Variants in ATG10 observed in about 807,000 individuals in gnomAD.
The protein encoded by ATG10 is ubiquitin-like-conjugating enzyme ATG10.
ATG10 carries 30 observed loss-of-function variants against 32.1 expected under a neutral mutation model. The observed-to-expected ratio is 0.94, with a 90% CI of 0.70 to 1.27. The LOEUF is 1.27. Among genes scored for constraint, ATG10 ranks in the 50% most tolerant of loss-of-function variants. The pLI is 0.00. For synonymous variants in ATG10, 87 were observed against 91.5 expected, an observed-to-expected ratio of 0.95 and a Z score of 0.28; for missense variants, 233 against 262.3, an observed-to-expected ratio of 0.89 and a Z score of 0.77.
At chr5:82,218,052 T>TACACACACACAC (rs60254193) in intron 5 of ATG10, among the ~76,000 whole-genome samples, 3,691 of 145,220 alleles carry the variant, frequency 0.025, 47 homozygotes, top group Non-Finnish European at 0.032. Flanking sequence ...GTTCTCTCTT[T>TACACACACACAC]ACACACACAC....
chr5:82,224,557 G>C (rs73138707), intron 5 of ATG10, among the ~76,000 whole-genome samples: 2,553 of 152,244 alleles, frequency 0.017, 73 homozygotes, highest in African/African-American at 0.058. Context: ...GGGGGAAGGA[G>C]AGAATAGAGG....
At chr5:81,990,321 G>GT (rs1357040445) in intron 2 of ATG10, among the ~76,000 whole-genome samples, 1 of 151,958 alleles carries the variant, frequency 6.6e-6, no homozygotes, top group Admixed American at 6.6e-5. Flanking sequence ...CTTTTCACCA[G>GT]TTTTTTTTCT....
intron 2 of ATG10, among the ~76,000 whole-genome samples, chr5:82,005,587 A>T (rs776963088): frequency 6.6e-6 from 1 of 152,156 alleles, no homozygotes; most frequent in Non-Finnish European, 1.5e-5. Context: ...GAGCCACCGC[A>T]CATTTATAAT....
At chr5:82,141,583 A>G (rs1767141661) in intron 3 of ATG10, among the ~76,000 whole-genome samples, 1 of 152,292 alleles carries the variant, frequency 6.6e-6, no homozygotes, top group African/African-American at 2.4e-5. Context: ...AAGACTGAAG[A>G]GATGAAAAAA....
chr5:82,175,653 T>C (rs80052907), intron 4 of ATG10, among the ~76,000 whole-genome samples: 8,589 of 152,256 alleles, frequency 0.056, 324 homozygotes, highest in Non-Finnish European at 0.079. Flanking sequence ...AGTGATCCCC[T>C]ACCCAGCCCT....
intron 5 of ATG10, among the ~76,000 whole-genome samples, chr5:82,213,183 T>C (rs2149981646): frequency 6.6e-6 from 1 of 152,344 alleles, no homozygotes; most frequent in Middle Eastern, 3.4e-3. Context: ...TTATTCCATT[T>C]TGAACTTAGT....
intron 5 of ATG10, among the ~76,000 whole-genome samples, chr5:82,191,233 G>C (rs140952365): frequency 4.1e-4 from 62 of 152,272 alleles, no homozygotes; most frequent in African/African-American, 1.4e-3. Flanking sequence ...GGTTTTTCTT[G>C]CAATTGATTG....
At chr5:82,139,638 C>G (rs1476348447) in intron 3 of ATG10, among the ~76,000 whole-genome samples, 1 of 137,984 alleles carries the variant, frequency 7.2e-6, no homozygotes, top group Non-Finnish European at 1.6e-5. Context: ...AGGAGCGTCT[C>G]CGCCCAGCAG....
At chr5:82,159,555 T>C (rs1170283021) in intron 3 of ATG10, among the ~76,000 whole-genome samples, 1 of 152,126 alleles carries the variant, frequency 6.6e-6, no homozygotes, top group Non-Finnish European at 1.5e-5. Context: ...TTTTTTATCT[T>C]AATTTTTTAT....
At chr5:81,975,167 T>G (rs1275636775) in intron 1 of ATG10, among the ~76,000 whole-genome samples, 1 of 152,220 alleles carries the variant, frequency 6.6e-6, no homozygotes, top group African/African-American at 2.4e-5. Flanking sequence ...CATAGTAATA[T>G]ATGCAATTTT....
In ATG10 at chr5:82,089,545, CAAAG is replaced by C. The variant is rs537404242; in HGVS notation, c.216+30947_216+30950del. ...ACATCCCTAGGCAAACAAACACAAA[CAAAG>C]AAACAAACATACCCTGACCTCAGTC... On this transcript the variant is annotated intron_variant, in intron 3 of 7. Transcript: ENST00000282185. 3.5e-3 allele frequency among the ~76,000 whole-genome samples: 531 copies of C among 152,226 alleles called. 4 individuals carry two copies. The highest frequency in any genetic ancestry group is 0.012 in the African/African-American group (506 of 41,548).
At chr5:82,102,851 C>T (rs1232762818) in intron 3 of ATG10, among the ~76,000 whole-genome samples, 1 of 125,270 alleles carries the variant, frequency 8.0e-6, no homozygotes, top group Admixed American at 7.5e-5. Context: ...TCTTCATTGG[C>T]ATCCAAGCCT....
intron 3 of ATG10, among the ~76,000 whole-genome samples, chr5:82,109,013 A>G (rs1264455913): frequency 6.6e-6 from 1 of 152,092 alleles, no homozygotes; most frequent in African/African-American, 2.4e-5. Flanking sequence ...TCAGAGCTAC[A>G]ACTTGAGAAT....
At chr5:82,154,294 T>C (rs1179889887) in intron 3 of ATG10, among the ~76,000 whole-genome samples, 1 of 152,194 alleles carries the variant, frequency 6.6e-6, no homozygotes, top group Non-Finnish European at 1.5e-5. Flanking sequence ...TGACAGAGAC[T>C]TATGATGCCC....
chr5:82,223,989 A>T (rs1400328518), intron 5 of ATG10, among the ~76,000 whole-genome samples: 1 of 152,226 alleles, frequency 6.6e-6, no homozygotes, highest in Non-Finnish European at 1.5e-5. Context: ...ATGCATGTGA[A>T]GCCAGCCTTC....
At chr5:82,007,714 A>G (rs1762022239) in intron 2 of ATG10, among the ~76,000 whole-genome samples, 1 of 152,158 alleles carries the variant, frequency 6.6e-6, no homozygotes, top group Admixed American at 6.5e-5. Context: ...TGGGCCTCCC[A>G]AAGTGTTAAC....
chr5:82,020,447 A>G (rs1360779707), intron 2 of ATG10, among the ~76,000 whole-genome samples: 2 of 152,236 alleles, frequency 1.3e-5, no homozygotes, highest in East Asian at 3.8e-4. Flanking sequence ...AAGCATCCCT[A>G]ATATATCGGT....
intron 3 of ATG10, among the ~76,000 whole-genome samples, chr5:82,129,409 G>A (rs1363555536): frequency 1.3e-5 from 2 of 151,902 alleles, no homozygotes; most frequent in Admixed American, 6.6e-5. Context: ...TGATTTTTTG[G>A]AGGAGAAGAG....
intron 3 of ATG10, among the ~76,000 whole-genome samples, chr5:82,085,638 CAAAA>C (rs907067835): frequency 7.2e-6 from 1 of 139,460 alleles, no homozygotes; most frequent in African/African-American, 2.6e-5. Context: ...TAAAGTATAA[CAAAA>C]AAAAAAGAAA....
Sources: gnomAD v4.1 joint callset for allele counts (sites outside exome capture counted in the v4.1 genomes callset) on GRCh38, gnomAD v4.1.1 for gene constraint, MANE v1.5 for transcripts, NCBI Gene and HGNC (gene_info 2026-07-23, HGNC 2026-07-21) for gene names.